PARD3B: variants seen among roughly 807,000 people sequenced by gnomAD.
The protein encoded by PARD3B is par-3 family cell polarity regulator beta.
PARD3B carries 103 observed loss-of-function variants against 130.2 expected under a neutral mutation model. The ratio of observed to expected loss-of-function variants is 0.79; its 90% CI spans 0.67 to 0.93. The LOEUF (loss-of-function observed/expected upper bound fraction) is 0.93. PARD3B is among the 40% of genes least tolerant of loss of function. The pLI, the probability that PARD3B is intolerant of heterozygous loss-of-function variation, is 0.00. For synonymous variants in PARD3B, 583 were observed against 553.2 expected, an observed-to-expected ratio of 1.05 and a Z score of -0.76; for missense variants, 1,609 against 1,499.2, an observed-to-expected ratio of 1.07 and a Z score of -1.21.
intron 2 of PARD3B, among the ~76,000 whole-genome samples, chr2:204,865,694 C>G (rs1055249915): frequency 6.6e-6 from 1 of 152,050 alleles, no homozygotes; most frequent in Non-Finnish European, 1.5e-5. Flanking sequence ...GTACACTGCT[C>G]AGGTGATGGG....
intron 1 of PARD3B, among the ~76,000 whole-genome samples, chr2:204,641,494 T>C (rs1159022035): frequency 1.3e-5 from 2 of 152,058 alleles, no homozygotes; most frequent in African/African-American, 4.8e-5. Flanking sequence ...CCTAAATTAG[T>C]GTTATATTTA....
intron 11 of PARD3B, among the ~76,000 whole-genome samples, chr2:205,164,391 A>G (rs531143094): frequency 6.6e-6 from 1 of 152,290 alleles, no homozygotes; most frequent in African/African-American, 2.4e-5. Flanking sequence ...GGAGTTCCAG[A>G]CTGTAATGCA....
chr2:204,590,339 T>C (rs2033021632), intron 1 of PARD3B, among the ~76,000 whole-genome samples: 1 of 152,248 alleles, frequency 6.6e-6, no homozygotes, highest in Non-Finnish European at 1.5e-5. Context: ...ATTTGGGATT[T>C]GATTTCAACA....
rs2125243570 is a variant in PARD3B at position 204,686,188 on chromosome 2, G to C, written c.128G>C (p.Gly43Ala). ...GTGTTTGTTCTACTATAGGGTCCTG[G>C]TTACTGGGTGAAGATTCATCACTTA... Reference protein sequence around the residue: ...RYLKTREKGPGYWVKIHHLEY... With the variant: ...RYLKTREKGPAYWVKIHHLEY... Residue 43 changes from glycine to alanine, a missense_variant, in exon 2 of 23, where the codon GGT becomes GCT. By Grantham distance (60) the Gly-to-Ala change is moderately conservative. Coordinates refer to ENST00000406610, the MANE Select transcript of PARD3B (RefSeq NM_001302769.2). 6.2e-7 allele frequency: 1 copy of C among 1,607,216 alleles called. No homozygotes were observed. The highest frequency in any genetic ancestry group is 1.1e-5 in the South Asian group (1 of 90,942).
At position 205,591,259 on chromosome 2, in the gene PARD3B, A is replaced by C. The variant is rs79592500; in HGVS notation, c.3261-24197A>C. 0.016 allele frequency among the ~76,000 whole-genome samples: 2,452 copies of C among 152,322 alleles called. 70 individuals are homozygous for C. The highest frequency in any genetic ancestry group is 0.056 in the African/African-American group (2,317 of 41,564). On this transcript the variant is annotated intron_variant, in intron 22 of 22. Coordinates refer to ENST00000406610, the MANE Select transcript of PARD3B (RefSeq NM_001302769.2). The surrounding 1 kb of genome is among the most constrained non-coding windows in gnomAD (Gnocchi z 4.2). The stretch of plus-strand genomic sequence containing the variant: ...TTGTATAAGTTTTTTCAATGAACAT[A>C]GTCCATACATTTTGGGAAAGTGGTA...
At chr2:205,376,446 G>A (rs567079044) in intron 18 of PARD3B, among the ~76,000 whole-genome samples, 152 of 140,532 alleles carry the variant, frequency 1.1e-3, no homozygotes, top group African/African-American at 3.8e-3. Flanking sequence ...CTTGAGCAGC[G>A]ATGATGTCTG....
Position 205,031,591 on chromosome 2 carries a change from A to C in PARD3B, c.395-15990A>C, listed in dbSNP as rs185371019. Among the ~76,000 whole-genome samples, 548 of 152,248 alleles carry C rather than the reference A, an allele frequency of 3.6e-3. 2 individuals are homozygous for C. The highest frequency in any genetic ancestry group is 9.1e-3 in the Admixed American group (139 of 15,272). The stretch of plus-strand genomic sequence containing the variant: ...AGGCCTATGTTGTTGAATTTTTATC[A>C]TATTTCCCCTCATCTTGGTAGATTA... On this transcript the variant is annotated intron_variant, in intron 3 of 22. Transcript: ENST00000406610.
chr2:205,149,146 C>T (rs2033573915), intron 10 of PARD3B, among the ~76,000 whole-genome samples: 1 of 152,138 alleles, frequency 6.6e-6, no homozygotes, highest in African/African-American at 2.4e-5. Context: ...AGTCATCCAT[C>T]TTCCTTCCTC....
chr2:205,567,481 A>AT lies in PARD3B; in HGVS notation c.3260+14092dup, dbSNP rs61638177. Among the ~76,000 whole-genome samples the AT allele has an allele frequency of 2.5e-3, 284 of 113,488 alleles. 4 individuals carry two copies. The highest frequency in any genetic ancestry group is 9.1e-3 in the African/African-American group (269 of 29,448). 74.5% of individuals were successfully genotyped at this position (113,488 alleles called of 152,430 possible). ...AGGTGCCTGCCACCATGCCCGGTTA[A>AT]TTTTTTTTTTTTTTGTATTTTTAGT... is the stretch of plus-strand genomic sequence containing the variant. On this transcript the variant is annotated intron_variant, in intron 22 of 22. Coordinates refer to ENST00000406610, the MANE Select transcript of PARD3B (RefSeq NM_001302769.2).
At chr2:204,996,314 C>A (rs1481456682) in intron 3 of PARD3B, among the ~76,000 whole-genome samples, 1 of 151,596 alleles carries the variant, frequency 6.6e-6, no homozygotes, top group Non-Finnish European at 1.5e-5. Context: ...GGACCCTCAG[C>A]TGCAGGTCTG....
chr2:204,621,857 T>A (rs1362551211), intron 1 of PARD3B, among the ~76,000 whole-genome samples: 1 of 152,166 alleles, frequency 6.6e-6, no homozygotes, highest in Non-Finnish European at 1.5e-5. Flanking sequence ...TTAAGGTGTG[T>A]CTCATATTCA....
At chr2:205,114,490 G>A (rs1234050457) in intron 6 of PARD3B, among the ~76,000 whole-genome samples, 2 of 151,350 alleles carry the variant, frequency 1.3e-5, no homozygotes, top group Non-Finnish European at 2.9e-5. Context: ...GGATTCCTTA[G>A]TTTAGTTTAG....
chr2:204,948,706 A>G (rs897334360), intron 2 of PARD3B, among the ~76,000 whole-genome samples: 2 of 152,210 alleles, frequency 1.3e-5, no homozygotes, highest in African/African-American at 4.8e-5. Flanking sequence ...GTCCGCACTC[A>G]CTTTCTATTT....
At chr2:204,654,691 A>C (rs966330452) in intron 1 of PARD3B, among the ~76,000 whole-genome samples, 2 of 152,146 alleles carry the variant, frequency 1.3e-5, no homozygotes, top group African/African-American at 4.8e-5. Context: ...TCTTGAGGGA[A>C]GTGTTTTACC....
chr2:205,607,831 TACACACACACACACACACACAC>T (rs776583001), intron 22 of PARD3B, among the ~76,000 whole-genome samples: 8 of 116,230 alleles, frequency 6.9e-5, no homozygotes, highest in Admixed American at 4.1e-4. Flanking sequence ...CCAACACCCA[TACACACACACACACACACACAC>T]ACACACACAC....
At chr2:204,998,418 A>G (rs1243376387) in intron 3 of PARD3B, among the ~76,000 whole-genome samples, 1 of 20,502 alleles carries the variant, frequency 4.9e-5, no homozygotes, top group Admixed American at 8.0e-4. Flanking sequence ...ATATATATGT[A>G]TATATGTGTA....
intron 4 of PARD3B, among the ~76,000 whole-genome samples, chr2:205,067,273 T>C (rs1272164238): frequency 6.6e-6 from 1 of 151,910 alleles, no homozygotes; most frequent in Non-Finnish European, 1.5e-5. Flanking sequence ...CAAGCAGTCC[T>C]GCCTCAGCTC....
chr2:205,337,244 G>T (rs2043347661), intron 18 of PARD3B, among the ~76,000 whole-genome samples: 1 of 152,172 alleles, frequency 6.6e-6, no homozygotes, highest in South Asian at 2.1e-4. Context: ...GTGACTTGAG[G>T]TTTATTTAAG....
intron 21 of PARD3B, among the ~76,000 whole-genome samples, chr2:205,510,480 C>A (rs551703559): frequency 1.3e-4 from 20 of 152,302 alleles, no homozygotes; most frequent in African/African-American, 4.8e-4. Context: ...CAGGTGGTAA[C>A]TGTCAAGCTT....
Sources: allele counts gnomAD v4.1 joint callset (sites outside exome capture counted in the v4.1 genomes callset), GRCh38; gene constraint gnomAD v4.1.1; non-coding constraint Gnocchi (gnomAD v3.1); transcripts MANE v1.5; gene names NCBI Gene and HGNC (gene_info 2026-07-23, HGNC 2026-07-21).